PCSK6: variants seen among roughly 807,000 people sequenced by gnomAD.
PCSK6 encodes proprotein convertase subtilisin/kexin type 6.
A neutral mutation model predicts 123.3 loss-of-function variants in PCSK6; 85 were observed. The ratio of observed to expected loss-of-function variants is 0.69; its 90% CI spans 0.58 to 0.83. PCSK6 has a LOEUF of 0.83. Ranked by LOEUF, PCSK6 falls within the 40% of genes least tolerant of loss-of-function variation. The pLI is 0.00. For synonymous variants in PCSK6, 508 were observed against 516.0 expected, an observed-to-expected ratio of 0.98 and a Z score of 0.21; for missense variants, 1,191 against 1,282.3, an observed-to-expected ratio of 0.93 and a Z score of 1.09.
chr15:101,366,209 G>A lies in PCSK6; in HGVS notation c.1845C>T (p.Asn615=). 6.2e-7 allele frequency: 1 copy of A among 1,612,564 alleles called. No individual in the cohort carries two copies. Among genetic ancestry groups the A allele is most frequent in the South Asian group, 1.1e-5 (1 of 90,814 alleles). Residue 615 remains asparagine (N), a synonymous_variant, in exon 13 of 22, where the codon AAC becomes AAT. Transcript: ENST00000611716. The stretch of plus-strand genomic sequence containing the variant: ...AGAGCCACTGACCTTGCTTCTCCGG[G>A]TTGCGGACCTGGGATGGCAGATCTT... ...EIQDLPSQVR[N]PEKQGKLKEW... is the part of the protein sequence containing the mutation.
chr15:101,476,323 G>T (rs573638515), intron 1 of PCSK6, among the ~76,000 whole-genome samples: 1 of 152,178 alleles, frequency 6.6e-6, no homozygotes, highest in African/African-American at 2.4e-5. Flanking sequence ...TCATGAATAA[G>T]GATAACCACT....
chr15:101,310,252 G>A (rs958987193), intron 20 of PCSK6, among the ~76,000 whole-genome samples: 3 of 152,210 alleles, frequency 2.0e-5, no homozygotes, highest in Non-Finnish European at 4.4e-5. Context: ...CTGCAGGGCC[G>A]AAAGCTGCCC....
chr15:101,329,552 C>T (rs894295826), intron 15 of PCSK6, among the ~76,000 whole-genome samples: 3 of 152,218 alleles, frequency 2.0e-5, no homozygotes, highest in African/African-American at 4.8e-5. Context: ...TTGAGCCTGT[C>T]GAGTAAGCAC....
chr15:101,316,736 A>G (rs1244600517), intron 19 of PCSK6, among the ~76,000 whole-genome samples: 1 of 152,102 alleles, frequency 6.6e-6, no homozygotes, highest in Non-Finnish European at 1.5e-5. Flanking sequence ...CAATCATAGG[A>G]GGACACTGGC....
At chr15:101,322,801 C>T (rs1038256184) in intron 17 of PCSK6, among the ~76,000 whole-genome samples, 194 bp from the exon 18 acceptor site, 2 of 152,184 alleles carry the variant, frequency 1.3e-5, no homozygotes, top group African/African-American at 2.4e-5. Context: ...TCTCACCTCC[C>T]CTTTCTGAGG....
intron 9 of PCSK6, among the ~76,000 whole-genome samples, chr15:101,386,471 C>A (rs2042066955): frequency 1.3e-5 from 2 of 152,318 alleles, no homozygotes; most frequent in East Asian, 1.9e-4. Context: ...GAACTTTTCA[C>A]CACCTCCAGA....
Position 101,415,879 on chromosome 15 carries a change from G to C in PCSK6, c.823+12013C>G, listed in dbSNP as rs191795922. On this transcript the variant is annotated intron_variant, in intron 6 of 21. Coordinates refer to ENST00000611716, the MANE Select transcript of PCSK6 (RefSeq NM_002570.5). ...GGCTTTCGCCTCCCACCATGATTCT[G>C]AGGCCTTCCCAGCCACGTGGAACTG... is the stretch of plus-strand genomic sequence containing the variant. 5.1e-4 allele frequency among the ~76,000 whole-genome samples: 77 copies of C among 152,342 alleles called. No homozygotes were observed. In the East Asian group the frequency reaches 0.014, roughly 27 times the overall value.
intron 1 of PCSK6, among the ~76,000 whole-genome samples, chr15:101,465,172 C>T (rs1177756282): frequency 3.3e-5 from 5 of 152,222 alleles, no homozygotes; most frequent in East Asian, 3.8e-4. Context: ...GGGCAATCAG[C>T]GTGTGTGGTG....
At chr15:101,462,780 G>A (rs2057367915) in intron 1 of PCSK6, among the ~76,000 whole-genome samples, 1 of 152,238 alleles carries the variant, frequency 6.6e-6, no homozygotes, top group African/African-American at 2.4e-5. Context: ...ACTTAAGTGT[G>A]AGAAGTAAAA....
In PCSK6 at chr15:101,389,578, A is replaced by T; in HGVS notation, c.1210-14T>A. The stretch of plus-strand genomic sequence containing the variant: ...ATCCGTGGTGACCTGGGGGAGAGAG[A>T]AGCACAGTGAGGCAGTGATGGCAGA... On this transcript the variant is annotated splice_polypyrimidine_tract_variant and intron_variant, in intron 8 of 21. Transcript: ENST00000611716. 1 of 1,597,616 alleles carries T rather than the reference A, an allele frequency of 6.3e-7. No homozygotes were observed. The highest frequency in any genetic ancestry group is 8.6e-7 in the Non-Finnish European group (1 of 1,167,162).
At chr15:101,475,095 A>G (rs2057698747) in intron 1 of PCSK6, among the ~76,000 whole-genome samples, 1 of 152,172 alleles carries the variant, frequency 6.6e-6, no homozygotes, top group Non-Finnish European at 1.5e-5. Flanking sequence ...CCCAGTTGAG[A>G]GGCTGCCCCA....
At chr15:101,428,868 T>C (rs138425965) in intron 5 of PCSK6, among the ~76,000 whole-genome samples, 9 of 152,246 alleles carry the variant, frequency 5.9e-5, no homozygotes, top group South Asian at 2.1e-4. Context: ...CGGGATGGGA[T>C]TGAATCCTGC....
At chr15:101,326,597 C>A in intron 15 of PCSK6, 118 bp from the exon 16 acceptor site, 1 of 964,748 alleles carries the variant, frequency 1.0e-6, no homozygotes, top group East Asian at 2.6e-5. Context: ...GCTCCCAGGC[C>A]CCGCTGGGGC....
chr15:101,424,872 G>C (rs1288948680), intron 6 of PCSK6, among the ~76,000 whole-genome samples: 1 of 152,222 alleles, frequency 6.6e-6, no homozygotes, highest in Non-Finnish European at 1.5e-5. Context: ...TTAACGCATT[G>C]AATATGGTTG....
At chr15:101,476,365 G>A (rs1370349003) in intron 1 of PCSK6, among the ~76,000 whole-genome samples, 1 of 152,078 alleles carries the variant, frequency 6.6e-6, no homozygotes, top group African/African-American at 2.4e-5. Context: ...AAAAACTGGA[G>A]GCAAATCAAA....
intron 1 of PCSK6, among the ~76,000 whole-genome samples, chr15:101,484,823 A>C (rs2057981157): frequency 6.6e-6 from 1 of 152,170 alleles, no homozygotes; most frequent in South Asian, 2.1e-4. Flanking sequence ...ATTTCTAACC[A>C]CTGTAGAGTC....
At chr15:101,431,874 A>T in intron 3 of PCSK6, 116 bp downstream of exon 3, 1 of 773,678 alleles carries the variant, frequency 1.3e-6, no homozygotes, top group Non-Finnish European at 2.2e-6. Context: ...CCTCAAGGTG[A>T]AGTGTGTCTG....
chr15:101,486,213 C>T (rs181053142), intron 1 of PCSK6, among the ~76,000 whole-genome samples: 2 of 152,284 alleles, frequency 1.3e-5, no homozygotes, highest in African/African-American at 4.8e-5. Context: ...ATCCGCCTGC[C>T]TCAGCCTCCC....
At chr15:101,337,353 C>T (rs1422476510) in intron 13 of PCSK6, 1 of 152,158 alleles carries the variant, frequency 6.6e-6, no homozygotes, top group Non-Finnish European at 1.5e-5. Context: ...AAGGGAGTCA[C>T]TTTGGTTTTC....
Sources: allele counts gnomAD v4.1 joint callset (sites outside exome capture counted in the v4.1 genomes callset), GRCh38; gene constraint gnomAD v4.1.1; transcripts MANE v1.5; gene names NCBI Gene and HGNC (gene_info 2026-07-23, HGNC 2026-07-21).